The following ADTRP variants were observed in gnomAD, a reference collection of about 807,000 sequenced individuals.
The protein encoded by ADTRP is androgen dependent TFPI regulating protein.
Under a neutral mutation model 27.0 loss-of-function variants are expected in ADTRP, and 20 were observed. The observed-to-expected ratio is 0.74, with a 90% CI of 0.52 to 1.08. ADTRP has a LOEUF of 1.08. Among genes scored for constraint, ADTRP ranks in the 50% least tolerant of loss-of-function variants. The probability of loss-of-function intolerance (pLI) is 0.00; values close to 1 mark genes in which losing one functional copy is unlikely to be tolerated. For synonymous variants in ADTRP, 101 were observed against 105.2 expected (o/e 0.96, Z 0.25); for missense variants, 251 against 275.0 (o/e 0.91, Z 0.62).
At chr6:11,716,652 G>A (rs13210680) in intron 5 of ADTRP, among the ~76,000 whole-genome samples, 9,528 of 151,972 alleles carry the variant, frequency 0.063, 377 homozygotes, top group Middle Eastern at 0.13. Context: ...ACAGAGCTAA[G>A]CAGTTTGTAG....
At chr6:11,745,488 G>A (rs1008151367) in intron 3 of ADTRP, among the ~76,000 whole-genome samples, 1 of 152,162 alleles carries the variant, frequency 6.6e-6, no homozygotes, top group Non-Finnish European at 1.5e-5. Flanking sequence ...ATGTAGAGGA[G>A]GCTCTGAAAG....
chr6:11,750,318 T>C (rs1251844520), intron 3 of ADTRP, among the ~76,000 whole-genome samples: 3 of 152,210 alleles, frequency 2.0e-5, no homozygotes, highest in Non-Finnish European at 4.4e-5. Flanking sequence ...GGACTTGGAT[T>C]TCACCTCTCC....
intron 3 of ADTRP, among the ~76,000 whole-genome samples, chr6:11,746,232 C>G (rs540848950): frequency 1.2e-4 from 18 of 152,048 alleles, no homozygotes; most frequent in African/African-American, 4.1e-4. Context: ...CAGCTGGAGA[C>G]AGAGGTTTGG....
In ADTRP at chr6:11,714,406, GAA is replaced by G. The variant is rs35108078; in HGVS notation, c.*70_*71del. The G allele has an allele frequency of 2.9e-4, 388 of 1,359,520 alleles. No individual in the cohort carries two copies. Among genetic ancestry groups the G allele is most frequent in the East Asian group, 5.5e-4 (22 of 40,348 alleles). 84.2% of individuals were successfully genotyped at this position (1,359,520 alleles called of 1,614,324 possible). A position where few individuals can be genotyped will look rare whatever the true frequency, so the allele number is the denominator to read the frequency against. On this transcript the variant is annotated 3_prime_UTR_variant, in exon 6 of 6. Transcript: ENST00000414691. ...GTTCCTCCACCACCTCCCTCCACCA[GAA>G]AAAAAAAAAAAAGATGAGAAAAATC...
chr6:11,768,565 C>G (rs1205141008), intron 1 of ADTRP, among the ~76,000 whole-genome samples, 182 bp from the exon 2 acceptor site: 1 of 152,092 alleles, frequency 6.6e-6, no homozygotes, highest in Non-Finnish European at 1.5e-5. Context: ...TGACCCTGCT[C>G]GCTAAGACTG....
At chr6:11,725,370 G>C (rs914259795) in intron 4 of ADTRP, among the ~76,000 whole-genome samples, 2 of 152,170 alleles carry the variant, frequency 1.3e-5, no homozygotes, top group African/African-American at 4.8e-5. Flanking sequence ...CAAAGGACTT[G>C]AATAGACCTT....
intron 5 of ADTRP, among the ~76,000 whole-genome samples, chr6:11,722,478 G>T (rs1762049696): frequency 2.0e-5 from 3 of 152,098 alleles, no homozygotes; most frequent in Admixed American, 2.0e-4. Flanking sequence ...ATGGCATGTG[G>T]GCGAGTGATG....
chr6:11,769,910 T>C (rs944568377), intron 1 of ADTRP: 10 of 1,116,626 alleles, frequency 9.0e-6, no homozygotes, highest in Non-Finnish European at 1.2e-5. Flanking sequence ...AGCGGACTTT[T>C]ATTCATTACT....
At chr6:11,721,123 G>A (rs148946803) in intron 5 of ADTRP, among the ~76,000 whole-genome samples, 407 of 152,314 alleles carry the variant, frequency 2.7e-3, no homozygotes, top group African/African-American at 9.6e-3. Context: ...GGGAAGCACT[G>A]GGAAGGGCAT....
At chr6:11,771,443 C>T (rs1372173419) in intron 1 of ADTRP, among the ~76,000 whole-genome samples, 1 of 152,218 alleles carries the variant, frequency 6.6e-6, no homozygotes, top group Non-Finnish European at 1.5e-5. Flanking sequence ...GCAGCTGGGG[C>T]ACACGGAGAG....
rs849011 is a variant in ADTRP, at chr6:11,715,623, C to G, written c.659-1111G>C. ...TTTCACGTTGTTTTCATTGGTGTGT[C>G]TACTTCTTTCTCTTCTGTTTTTCCC... On this transcript the variant is annotated intron_variant, in intron 5 of 5. Transcript: ENST00000414691. Among the ~76,000 whole-genome samples, 1,036 of 147,394 alleles carry G rather than the reference C, an allele frequency of 7.0e-3. 31 individuals are homozygous for G. Among genetic ancestry groups the G allele is most frequent in the Admixed American group, 0.046 (678 of 14,626 alleles).
intron 3 of ADTRP, among the ~76,000 whole-genome samples, chr6:11,758,077 T>G (rs917858170): frequency 1.1e-4 from 17 of 152,166 alleles, no homozygotes; most frequent in African/African-American, 3.6e-4. Flanking sequence ...GCAGCTCAAA[T>G]CTCCAACTCA....
intron 3 of ADTRP, among the ~76,000 whole-genome samples, chr6:11,738,045 C>T (rs1450122652): frequency 6.6e-6 from 1 of 152,204 alleles, no homozygotes; most frequent in Admixed American, 6.5e-5. Flanking sequence ...ATAGTACATA[C>T]CTCTAGTGAT....
intron 5 of ADTRP, 53 bp downstream of exon 5, chr6:11,723,296 G>T (rs1001945419): frequency 6.3e-7 from 1 of 1,592,188 alleles, no homozygotes; most frequent in Non-Finnish European, 8.6e-7. Flanking sequence ...AGGTGAAGGG[G>T]AGAGGCAGAC....
chr6:11,733,712 G>T (rs1163916009), intron 4 of ADTRP, among the ~76,000 whole-genome samples: 1 of 152,198 alleles, frequency 6.6e-6, no homozygotes, highest in Non-Finnish European at 1.5e-5. Flanking sequence ...CCTGGCGCTG[G>T]TGAACCACTG....
chr6:11,757,657 G>A (rs1435906575), intron 3 of ADTRP, among the ~76,000 whole-genome samples: 2 of 152,200 alleles, frequency 1.3e-5, no homozygotes, highest in East Asian at 1.9e-4. Flanking sequence ...GAGGCACAGA[G>A]GCACATATCT....
chr6:11,764,839 T>G (rs1006068684), intron 3 of ADTRP, among the ~76,000 whole-genome samples: 1 of 147,372 alleles, frequency 6.8e-6, no homozygotes, highest in South Asian at 2.1e-4. Flanking sequence ...GCTGTGTGAA[T>G]TAAATGAGCC....
rs142766889 is a variant in ADTRP, at chr6:11,778,666, C to A, written c.94G>T (p.Val32Leu). The part of the protein sequence containing the change: ...YYISQEGKDE[V>L]KPKILANGAR... ...CCATTTGCCAAGATTTTGGGTTTCA[C>A]CTCGTCTTTTCCTTCCTGTGAGATG... The change falls in exon 1 of 6, where the codon GTG becomes TTG. Residue 32 changes from valine (V) to leucine (L), a missense_variant. Physicochemically the swap from Val to Leu is conservative, Grantham distance 32 (BLOSUM62 1). Transcript: ENST00000414691. The A allele has an allele frequency of 6.2e-7, 1 of 1,614,192 alleles. No individual in the cohort carries two copies. The highest frequency in any genetic ancestry group is 1.3e-5 in the African/African-American group (1 of 75,030).
chr6:11,775,339 G>A (rs1763917454), intron 1 of ADTRP, among the ~76,000 whole-genome samples: 2 of 152,044 alleles, frequency 1.3e-5, no homozygotes, highest in Non-Finnish European at 2.9e-5. Context: ...CTTCCCACCT[G>A]TCAGATCATT....
Sources: allele counts gnomAD v4.1 joint callset (sites outside exome capture counted in the v4.1 genomes callset), GRCh38; gene constraint gnomAD v4.1.1; transcripts MANE v1.5; gene names NCBI Gene and HGNC (gene_info 2026-07-23, HGNC 2026-07-21).